CCSER1: variants seen among roughly 807,000 people sequenced by gnomAD.
The protein encoded by CCSER1 is serine-rich coiled-coil domain-containing protein 1.
A neutral mutation model predicts 82.0 loss-of-function variants in CCSER1; 41 were observed. The observed-to-expected ratio is 0.50, with a 90% CI of 0.39 to 0.65. The LOEUF (loss-of-function observed/expected upper bound fraction) is 0.65, where lower values mean the gene tolerates loss of function less well. Ranked by LOEUF, CCSER1 falls within the 30% of genes least tolerant of loss-of-function variation. The pLI is 0.00. For missense variants in CCSER1, 1,119 were observed against 1,064.2 expected (o/e 1.05, Z -0.72); for synonymous variants, 414 against 383.9 (o/e 1.08, Z -0.92).
intron 5 of CCSER1, among the ~76,000 whole-genome samples, chr4:90,480,598 C>T (rs1365970666): frequency 2.6e-5 from 4 of 152,142 alleles, no homozygotes; most frequent in Non-Finnish European, 5.9e-5. Flanking sequence ...CTCCATGTGG[C>T]GAGGCAGTTT....
chr4:91,229,139 G>T (rs1473869344), intron 10 of CCSER1, among the ~76,000 whole-genome samples: 1 of 152,002 alleles, frequency 6.6e-6, no homozygotes, highest in Non-Finnish European at 1.5e-5. Flanking sequence ...GATGAACGAG[G>T]AAAGGTAAAG....
chr4:90,945,484 G>C (rs1273830871), intron 9 of CCSER1, among the ~76,000 whole-genome samples: 1 of 152,052 alleles, frequency 6.6e-6, no homozygotes, highest in Non-Finnish European at 1.5e-5. Context: ...TATAAAATCT[G>C]TGTTGTTTTA....
At chr4:90,830,359 A>C (rs1760979413) in intron 8 of CCSER1, among the ~76,000 whole-genome samples, 1 of 152,198 alleles carries the variant, frequency 6.6e-6, no homozygotes, top group Non-Finnish European at 1.5e-5. Context: ...CATTTAAAGA[A>C]TCTAAGCATA....
chr4:91,217,738 A>T (rs1247469674), intron 10 of CCSER1, among the ~76,000 whole-genome samples: 1 of 151,990 alleles, frequency 6.6e-6, no homozygotes, highest in Non-Finnish European at 1.5e-5. Context: ...CCTGAGCTAG[A>T]CATAAAGGTT....
Position 90,150,201 on chromosome 4 carries a change from A to T in CCSER1, c.-42+22370A>T, listed in dbSNP as rs1205356464. Reference sequence around the variant, plus strand: ...ACTGAAGTAACTTGAATATGTGCAGATTCTGGTATCTGCGGGGAGTCCTGG... The same window carrying T: ...ACTGAAGTAACTTGAATATGTGCAGTTTCTGGTATCTGCGGGGAGTCCTGG... On this transcript the variant is annotated intron_variant, in intron 1 of 10. Transcript: ENST00000509176. Among the ~76,000 whole-genome samples the T allele has an allele frequency of 3.9e-5, 6 of 152,308 alleles. No individual in the cohort carries two copies. The East Asian group carries it at 1.2e-3, about 29-fold the overall frequency.
At chr4:91,480,238 AG>A (rs1198211524) in intron 10 of CCSER1, among the ~76,000 whole-genome samples, 1 of 152,186 alleles carries the variant, frequency 6.6e-6, no homozygotes, top group Non-Finnish European at 1.5e-5. Flanking sequence ...CATGATTTAT[AG>A]TCCTTTGGGT....
At chr4:90,500,220 A>C (rs1349331185) in intron 5 of CCSER1, among the ~76,000 whole-genome samples, 1 of 152,110 alleles carries the variant, frequency 6.6e-6, no homozygotes, top group Non-Finnish European at 1.5e-5. Context: ...ATTATTTTGA[A>C]GCCCCAGATA....
chr4:90,633,339 T>G (rs1332796934), intron 6 of CCSER1, among the ~76,000 whole-genome samples: 2 of 151,996 alleles, frequency 1.3e-5, no homozygotes, highest in East Asian at 3.9e-4. Context: ...CAATATGTTT[T>G]TTTCTCAGAA....
intron 7 of CCSER1, among the ~76,000 whole-genome samples, chr4:90,751,971 C>G (rs992252950): frequency 4.6e-5 from 7 of 152,008 alleles, no homozygotes; most frequent in Non-Finnish European, 1.0e-4. Context: ...CAAATATTTG[C>G]TCAAAAAATT....
At chr4:90,544,118 G>C (rs923951534) in intron 5 of CCSER1, among the ~76,000 whole-genome samples, 1 of 152,108 alleles carries the variant, frequency 6.6e-6, no homozygotes, top group African/African-American at 2.4e-5. Flanking sequence ...CGTGTGAGGG[G>C]TATACTACAG....
intron 10 of CCSER1, among the ~76,000 whole-genome samples, chr4:91,191,787 C>T (rs904678058): frequency 5.9e-5 from 9 of 152,152 alleles, no homozygotes; most frequent in South Asian, 2.1e-4. Flanking sequence ...TTGTTGCATC[C>T]GTACCATGGT....
At chr4:91,439,621 T>A (rs1032691129) in intron 10 of CCSER1, among the ~76,000 whole-genome samples, 1 of 151,634 alleles carries the variant, frequency 6.6e-6, no homozygotes, top group Non-Finnish European at 1.5e-5. Flanking sequence ...CAATATTAAC[T>A]TTAAATGTAA....
intron 10 of CCSER1, among the ~76,000 whole-genome samples, chr4:91,194,770 T>A (rs1043487139): frequency 6.6e-6 from 1 of 152,230 alleles, no homozygotes; most frequent in Non-Finnish European, 1.5e-5. Flanking sequence ...TGATGCATCA[T>A]ATTATGAGGT....
chr4:91,335,720 A>C (rs760027563), intron 10 of CCSER1, among the ~76,000 whole-genome samples: 2 of 152,064 alleles, frequency 1.3e-5, no homozygotes, highest in Non-Finnish European at 2.9e-5. Flanking sequence ...AAGATACAGC[A>C]TTGGGGCAGT....
intron 9 of CCSER1, among the ~76,000 whole-genome samples, chr4:90,969,949 T>A (rs936589390): frequency 6.7e-6 from 1 of 149,882 alleles, no homozygotes; most frequent in Non-Finnish European, 1.5e-5. Context: ...CTCTAGTAAA[T>A]ATACATAGAT....
At chr4:91,385,298 GAA>G (rs1252772825) in intron 10 of CCSER1, among the ~76,000 whole-genome samples, 4 of 151,730 alleles carry the variant, frequency 2.6e-5, no homozygotes, top group Non-Finnish European at 5.9e-5. Flanking sequence ...GATGATAAGT[GAA>G]AAAAACAAAG....
At chr4:90,363,888 T>C (rs1299795110) in intron 3 of CCSER1, among the ~76,000 whole-genome samples, 1 of 152,144 alleles carries the variant, frequency 6.6e-6, no homozygotes, top group Non-Finnish European at 1.5e-5. Context: ...AAAGATGGGA[T>C]TATATTCTGT....
intron 1 of CCSER1, among the ~76,000 whole-genome samples, chr4:90,231,403 C>T (rs1404916073): frequency 1.3e-5 from 2 of 151,144 alleles, no homozygotes; most frequent in African/African-American, 4.9e-5. Context: ...CGGAAAAGGC[C>T]TTTGACAAAA....
intron 10 of CCSER1, among the ~76,000 whole-genome samples, chr4:91,353,741 G>T (rs899590153): frequency 1.3e-5 from 2 of 151,694 alleles, no homozygotes; most frequent in Non-Finnish European, 2.9e-5. Flanking sequence ...AGGTAGCGAT[G>T]AAGTTTTTTT....
Sources: allele counts gnomAD v4.1 joint callset (sites outside exome capture counted in the v4.1 genomes callset), GRCh38; gene constraint gnomAD v4.1.1; transcripts MANE v1.5; gene names NCBI Gene and HGNC (gene_info 2026-07-23, HGNC 2026-07-21).